The following BPIFB1 variants were observed in gnomAD, a reference collection of about 807,000 sequenced individuals.
BPIFB1 encodes BPI fold containing family B member 1.
Under a neutral mutation model 55.1 loss-of-function variants are expected in BPIFB1, and 34 were observed. The observed-to-expected ratio is 0.62, with a 90% CI of 0.47 to 0.82. The LOEUF is 0.82. BPIFB1 is among the 40% of genes least tolerant of loss of function. The pLI is 0.00. For synonymous variants in BPIFB1, 236 were observed against 245.3 expected (o/e 0.96, Z 0.35); for missense variants, 532 against 593.1 (o/e 0.90, Z 1.07).
Position 33,306,745 on chromosome 20 carries a change from C to T in BPIFB1, c.1319-166C>T, listed in dbSNP as rs1008936120. The T allele has an allele frequency of 2.2e-5, 14 of 636,528 alleles. 1 individual carries two copies. The highest frequency in any genetic ancestry group is 1.6e-4 in the East Asian group (6 of 37,164). The allele number at this position is 636,528 out of a possible 1,614,324, so 39.4% of individuals were successfully genotyped here. A position where few individuals can be genotyped will look rare whatever the true frequency, so the allele number is the denominator to read the frequency against. ...GTGCCAGAGGCAAAGGGAGGGTAGACGAGGCTGGGTCAATGCTGGGGCCAG... is the reference window on the plus strand; with the variant it reads ...GTGCCAGAGGCAAAGGGAGGGTAGATGAGGCTGGGTCAATGCTGGGGCCAG... On this transcript the variant is annotated intron_variant, in intron 14 of 15. Transcript: ENST00000253354.
At chr20:33,290,201 G>A (rs751579591) in intron 4 of BPIFB1, among the ~76,000 whole-genome samples, 1 of 152,174 alleles carries the variant, frequency 6.6e-6, no homozygotes, top group Non-Finnish European at 1.5e-5. Context: ...AGGAGATGAG[G>A]CCAGCAGGCA....
In BPIFB1 at chr20:33,301,339, G is replaced by C. The variant is rs140267782; in HGVS notation, c.854G>C (p.Ser285Thr). The C allele has an allele frequency of 3.1e-6, 5 of 1,614,196 alleles. No homozygotes were observed. The highest frequency in any genetic ancestry group is 4.2e-6 in the Non-Finnish European group (5 of 1,180,036). ...AACATCCCGTTCAGCCTCATCGTGA[G>C]TCAGGACGTGGTGAAAGCTGCAGTG... ...LDNIPFSLIVSQDVVKAAVAA... is the reference protein window; with the variant it reads ...LDNIPFSLIVTQDVVKAAVAA... The change falls in exon 9 of 16, where the codon AGT becomes ACT. Residue 285 changes from serine to threonine, a missense_variant. Coordinates refer to ENST00000253354, the MANE Select transcript of BPIFB1 (RefSeq NM_033197.3).
At chr20:33,300,913 T>C (rs924843828) in intron 8 of BPIFB1, among the ~76,000 whole-genome samples, 2 of 152,168 alleles carry the variant, frequency 1.3e-5, no homozygotes, top group African/African-American at 4.8e-5. Flanking sequence ...ATGGATCCTT[T>C]GGAAAACTGC....
At chr20:33,305,895 C>A in intron 13 of BPIFB1, 107 bp from the exon 14 acceptor site, 2 of 1,254,538 alleles carry the variant, frequency 1.6e-6, no homozygotes, top group Non-Finnish European at 2.3e-6. Context: ...ATTCCTACAT[C>A]TCCACCAGCC....
At chr20:33,298,976 CTTTT>C (rs35028429) in intron 7 of BPIFB1, 64 of 244,694 alleles carry the variant, frequency 2.6e-4, no homozygotes, top group South Asian at 5.9e-4. Flanking sequence ...CTTTAATATA[CTTTT>C]TTTTTTTTTT....
chr20:33,307,559 T>C, intron 15 of BPIFB1: 1 of 155,362 alleles, frequency 6.4e-6, no homozygotes, highest in South Asian at 2.0e-4. Context: ...GCCCTGTGGG[T>C]AGCTGGGAGA....
At chr20:33,292,529 T>C (rs1175746283) in intron 6 of BPIFB1, among the ~76,000 whole-genome samples, 1 of 152,216 alleles carries the variant, frequency 6.6e-6, no homozygotes, top group African/African-American at 2.4e-5. Flanking sequence ...TAATTGTAAG[T>C]TTATATGTCT....
chr20:33,295,812 G>A (rs1980630259), intron 6 of BPIFB1, among the ~76,000 whole-genome samples: 2 of 138,520 alleles, frequency 1.4e-5, no homozygotes, highest in Non-Finnish European at 3.1e-5. Flanking sequence ...AGGGAAGGAA[G>A]GAAAGAAGGA....
rs752341787 is a variant in BPIFB1, at chr20:33,309,344, T to C, written c.1396-364T>C. 6.6e-6 allele frequency among the ~76,000 whole-genome samples: 1 copy of C among 152,184 alleles called. No homozygotes were observed. The highest frequency in any genetic ancestry group is 1.5e-5 in the Non-Finnish European group (1 of 68,022). ...TTTAGTAAATGCCTGCTAACTGAGATGGACACCTTACTGTCATTAGCTCAT... is the reference window on the plus strand; with the variant it reads ...TTTAGTAAATGCCTGCTAACTGAGACGGACACCTTACTGTCATTAGCTCAT... On this transcript the variant is annotated intron_variant, in intron 15 of 15. Transcript: ENST00000253354. The surrounding 1 kb of genome is among the most constrained non-coding windows in gnomAD (Gnocchi z 4.4).
At chr20:33,295,331 C>T (rs1010684823) in intron 6 of BPIFB1, among the ~76,000 whole-genome samples, 11 of 151,330 alleles carry the variant, frequency 7.3e-5, no homozygotes, top group Non-Finnish European at 1.2e-4. Flanking sequence ...CTAGGCTGGT[C>T]GTGGCGGCTC....
intron 6 of BPIFB1, among the ~76,000 whole-genome samples, chr20:33,296,848 G>T (rs1422111540): frequency 1.3e-5 from 2 of 152,246 alleles, no homozygotes; most frequent in Non-Finnish European, 1.5e-5. Flanking sequence ...TGCCTTGCTG[G>T]CCTCTGTTCC....
intron 15 of BPIFB1, chr20:33,307,824 G>A (rs1299076619): frequency 6.6e-6 from 1 of 152,024 alleles, no homozygotes; most frequent in Non-Finnish European, 1.5e-5. Flanking sequence ...TGAGGCAGAA[G>A]AATTGCTTGA....
At position 33,308,727 on chromosome 20, in the gene BPIFB1, TACAC is replaced by T. The variant is rs567324915; in HGVS notation, c.1396-973_1396-970del. Among the ~76,000 whole-genome samples the T allele has an allele frequency of 4.7e-5, 7 of 150,326 alleles. 1 individual carries two copies. Among genetic ancestry groups the T allele is most frequent in the East Asian group, 2.0e-4 (1 of 5,094 alleles). On this transcript the variant is annotated intron_variant, in intron 15 of 15. Transcript: ENST00000253354. The stretch of plus-strand genomic sequence containing the variant: ...ACCTTTATACACCTATACATATACA[TACAC>T]ACACACATACATATTGCACACATAC...
Position 33,306,996 on chromosome 20 carries a change from G to C in BPIFB1, c.1395+9G>C, listed in dbSNP as rs1168744232. 1 of 1,612,990 alleles carries C rather than the reference G, an allele frequency of 6.2e-7. No individual in the cohort carries two copies. Among genetic ancestry groups the C allele is most frequent in the Admixed American group, 1.7e-5 (1 of 60,028 alleles). ...AGTCCTCACTGACCAAGGTGAGTGG[G>C]TGTGGCCCTAAACATCCTGCCCCAG... is the stretch of plus-strand genomic sequence containing the variant. On this transcript the variant is annotated intron_variant, in intron 15 of 15. Transcript: ENST00000253354.
intron 9 of BPIFB1, 31 bp from the exon 10 acceptor site, chr20:33,302,328 A>G (rs1980879831): frequency 1.9e-6 from 3 of 1,612,802 alleles, no homozygotes; most frequent in East Asian, 2.2e-5. Flanking sequence ...GTGCCCTCCA[A>G]CTGACCTTCT....
chr20:33,308,300 G>A (rs1363525138), intron 15 of BPIFB1, among the ~76,000 whole-genome samples: 1 of 152,184 alleles, frequency 6.6e-6, no homozygotes, highest in Non-Finnish European at 1.5e-5. Context: ...CGGGGACACA[G>A]ATCTAAACCA....
rs1374153302 is a variant in BPIFB1 at position 33,306,924 on chromosome 20, T to C, written c.1332T>C (p.Ser444=). 6.2e-7 allele frequency: 1 copy of C among 1,614,052 alleles called. No individual in the cohort carries two copies. Among genetic ancestry groups the C allele is most frequent in the Admixed American group, 1.7e-5 (1 of 60,032 alleles). The change falls in exon 15 of 16, where the codon TCT becomes TCC. Residue 444 remains serine, a synonymous_variant. Coordinates refer to ENST00000253354, the MANE Select transcript of BPIFB1 (RefSeq NM_033197.3). ...LLPNQNGKLR[S]GVPVSLVKAL... Reference sequence around the variant, plus strand: ...TTGTTATTTCAGGCAAATTAAGATCTGGGGTCCCAGTGTCATTGGTGAAGG... The same window carrying C: ...TTGTTATTTCAGGCAAATTAAGATCCGGGGTCCCAGTGTCATTGGTGAAGG...
At chr20:33,298,794 CTTT>C (rs11421243) in intron 7 of BPIFB1, 4 of 146,460 alleles carry the variant, frequency 2.7e-5, no homozygotes, top group Admixed American at 6.9e-5. Flanking sequence ...TTCCTTTTTT[CTTT>C]TTTTTTTTTT....
rs1395483398 is a variant in BPIFB1 at position 33,301,355 on chromosome 20, A to G, written c.870A>G (p.Lys290=). Reference sequence around the variant, plus strand: ...TCATCGTGAGTCAGGACGTGGTGAAAGCTGCAGTGGCTGCTGTGCTCTCTC... The same window carrying G: ...TCATCGTGAGTCAGGACGTGGTGAAGGCTGCAGTGGCTGCTGTGCTCTCTC... ...FSLIVSQDVV[K]AAVAAVLSPE... The change falls in exon 9 of 16, where the codon AAA becomes AAG. Residue 290 remains lysine, a synonymous_variant. Transcript: ENST00000253354. The G allele has an allele frequency of 6.2e-7, 1 of 1,614,174 alleles. No homozygotes were observed. The highest frequency in any genetic ancestry group is 1.3e-5 in the African/African-American group (1 of 75,048).
Sources: allele counts gnomAD v4.1 joint callset (sites outside exome capture counted in the v4.1 genomes callset), GRCh38; gene constraint gnomAD v4.1.1; non-coding constraint Gnocchi (gnomAD v3.1); transcripts MANE v1.5; gene names NCBI Gene and HGNC (gene_info 2026-07-23, HGNC 2026-07-21).